Variants in CDK12 observed in about 807,000 individuals in gnomAD.
CDK12 encodes the protein cyclin dependent kinase 12.
Under a neutral mutation model 133.8 loss-of-function variants are expected in CDK12, and 17 were observed. That is an observed-to-expected ratio of 0.13 (90% CI 0.09 to 0.19). The LOEUF (loss-of-function observed/expected upper bound fraction) is 0.19, where lower values mean the gene tolerates loss of function less well. CDK12 is among the 10% of genes least tolerant of loss of function. The probability of loss-of-function intolerance (pLI) is 1.00; values close to 1 mark genes in which losing one functional copy is unlikely to be tolerated. For synonymous variants in CDK12, 694 were observed against 683.6 expected, an observed-to-expected ratio of 1.02 and a Z score of -0.24; for missense variants, 1,508 against 1,818.7, an observed-to-expected ratio of 0.83 and a Z score of 3.11.
intron 1 of CDK12, chr17:39,550,976 CA>C (rs59717653): frequency 0.64 from 72,373 of 112,638 alleles, 22,437 homozygotes; most frequent in South Asian, 0.83. Flanking sequence ...GACTCTGTCT[CA>C]AAAAAAAAAA....
At chr17:39,499,739 C>T (rs2052579998) in intron 5 of CDK12, among the ~76,000 whole-genome samples, 1 of 151,826 alleles carries the variant, frequency 6.6e-6, no homozygotes, top group Non-Finnish European at 1.5e-5. Flanking sequence ...GTCTCGAACT[C>T]CTGACCTCAG....
chr17:39,558,260 C>T (rs1347942905), intron 3 of CDK12, among the ~76,000 whole-genome samples: 3 of 152,222 alleles, frequency 2.0e-5, no homozygotes, highest in African/African-American at 7.2e-5. Flanking sequence ...CATTCCTATG[C>T]CTCTCAAGCC....
chr17:39,565,519 T>C (rs915448275), downstream of CDK12, among the ~76,000 whole-genome samples: 6 of 152,000 alleles, frequency 3.9e-5, no homozygotes, highest in African/African-American at 1.5e-4. Context: ...CTGCAACTTT[T>C]GCCTCCCAGG....
At chr17:39,566,682 C>A (rs2144756791), downstream of CDK12, among the ~76,000 whole-genome samples, 1 of 152,276 alleles carries the variant, frequency 6.6e-6, no homozygotes, top group South Asian at 2.1e-4. Flanking sequence ...GGTGGGCAGC[C>A]CCCCTCCCCA....
intron 6 of CDK12, among the ~76,000 whole-genome samples, chr17:39,509,091 A>G (rs1682276400): frequency 6.6e-6 from 1 of 151,980 alleles, no homozygotes; most frequent in Non-Finnish European, 1.5e-5. Context: ...CTGCATTGGC[A>G]TCACGTATGG....
intron 3 of CDK12, among the ~76,000 whole-genome samples, chr17:39,562,927 A>C (rs2056434479): frequency 7.9e-6 from 1 of 126,806 alleles, no homozygotes; most frequent in African/African-American, 3.0e-5. Context: ...TTTTTTTTAC[A>C]ACTTAAGCAA....
In CDK12 at chr17:39,471,245, G is replaced by A. The variant is rs947837402; in HGVS notation, c.1413G>A (p.Glu471=). 1 of 1,609,214 alleles carries A rather than the reference G, an allele frequency of 6.2e-7. No homozygotes were observed. ...ELVNVTHLNT[E]VKNSSDTGKV... ...TGAATGTAACACATCTAAACACAGA[G>A]GTAAAAAATTCTTCAGATACAGGGA... Residue 471 remains glutamate (E), a synonymous_variant, in exon 2 of 14, where the codon GAG becomes GAA. Coordinates refer to ENST00000447079, the MANE Select transcript of CDK12 (RefSeq NM_016507.4).
intron 10 of CDK12, among the ~76,000 whole-genome samples, chr17:39,519,002 A>G (rs1027912934): frequency 2.0e-5 from 3 of 152,084 alleles, no homozygotes; most frequent in Non-Finnish European, 2.9e-5. Context: ...CCTGGGTTTA[A>G]GTGATTCTCC....
At chr17:39,499,913 G>A (rs927836630) in intron 5 of CDK12, among the ~76,000 whole-genome samples, 2 of 152,106 alleles carry the variant, frequency 1.3e-5, no homozygotes, top group Admixed American at 6.6e-5. Context: ...CAAAATAGTC[G>A]TCAATTTTAT....
chr17:39,552,038 C>T (rs1567816507), intron 2 of CDK12, among the ~76,000 whole-genome samples: 1 of 152,096 alleles, frequency 6.6e-6, no homozygotes, highest in Non-Finnish European at 1.5e-5. Flanking sequence ...GTTGCCTTCT[C>T]TTCCCCATTT....
Position 39,555,880 on chromosome 17 carries a change from CACACAA to C in CDK12, n.357-404_357-399del, listed in dbSNP as rs1392062228. Among the ~76,000 whole-genome samples the C allele has an allele frequency of 6.2e-4, 72 of 116,004 alleles. 2 individuals carry two copies. The highest frequency in any genetic ancestry group is 2.2e-3 in the African/African-American group (64 of 29,292). The allele number at this position is 116,004 out of a possible 152,430, so 76.1% of individuals were successfully genotyped here. On this transcript the variant is annotated intron_variant and non_coding_transcript_variant, in intron 2 of 3. Transcript: ENST00000558240. ...ACACACACACACACACACACACACA[CACACAA>C]AGCCAGGTGTGATGGCATACATCTC...
intron 1 of CDK12, among the ~76,000 whole-genome samples, chr17:39,465,441 A>G (rs1237374720): frequency 6.6e-6 from 1 of 151,030 alleles, no homozygotes; most frequent in East Asian, 1.9e-4. Flanking sequence ...AAATTTATAT[A>G]CAGTAAAATG....
intron 3 of CDK12, among the ~76,000 whole-genome samples, chr17:39,557,673 G>A (rs1443437036): frequency 1.3e-5 from 2 of 152,186 alleles, no homozygotes; most frequent in Non-Finnish European, 2.9e-5. Flanking sequence ...TCTGCCTGCC[G>A]GTTTGTTTTT....
At chr17:39,522,554 C>G (rs907593183) in intron 11 of CDK12, among the ~76,000 whole-genome samples, 3 of 152,126 alleles carry the variant, frequency 2.0e-5, no homozygotes, top group African/African-American at 7.2e-5. Flanking sequence ...CGTGCCTCAG[C>G]CTCCTGAGTA....
intron 3 of CDK12, 46 bp downstream of exon 3, chr17:39,490,779 C>G (rs371884672): frequency 1.4e-6 from 2 of 1,402,120 alleles, no homozygotes; most frequent in Non-Finnish European, 9.8e-7. Context: ...TTTCTCCCTT[C>G]CTTTTGAACT....
At chr17:39,492,964 G>A in intron 4 of CDK12, 74 bp downstream of exon 4, 9 of 1,283,192 alleles carry the variant, frequency 7.0e-6, no homozygotes, top group Non-Finnish European at 9.8e-6. Context: ...AGTGGATTTA[G>A]CAAAAGTAAA....
chr17:39,549,305 T>C (rs2055856723), upstream of CDK12: 1 of 152,274 alleles, frequency 6.6e-6, no homozygotes, highest in African/African-American at 2.4e-5. Context: ...TCAAGGGAGA[T>C]ACCCTATTCA....
chr17:39,514,682 C>T (rs2053689246), intron 8 of CDK12, among the ~76,000 whole-genome samples: 1 of 152,120 alleles, frequency 6.6e-6, no homozygotes, highest in Admixed American at 6.6e-5. Context: ...GGAAAAGTTA[C>T]AGGAATAGTA....
intron 8 of CDK12, among the ~76,000 whole-genome samples, chr17:39,513,586 T>A (rs1218557671): frequency 6.6e-6 from 1 of 152,210 alleles, no homozygotes; most frequent in East Asian, 1.9e-4. Flanking sequence ...TGTTCGGTAC[T>A]ATTATTTCAG....
Sources: allele counts gnomAD v4.1 joint callset (sites outside exome capture counted in the v4.1 genomes callset), GRCh38; gene constraint gnomAD v4.1.1; transcripts MANE v1.5; gene names NCBI Gene and HGNC (gene_info 2026-07-23, HGNC 2026-07-21).